The following NOTCH4 variants were observed in gnomAD, a reference collection of about 807,000 sequenced individuals.
NOTCH4 encodes the protein notch receptor 4.
Under a neutral mutation model 189.0 loss-of-function variants are expected in NOTCH4, and 138 were observed. The ratio of observed to expected loss-of-function variants is 0.73; its 90% CI spans 0.64 to 0.84. The LOEUF (loss-of-function observed/expected upper bound fraction) is 0.84. Ranked by LOEUF, NOTCH4 falls within the 40% of genes least tolerant of loss-of-function variation. The probability of loss-of-function intolerance (pLI) is 0.00; values close to 1 mark genes in which losing one functional copy is unlikely to be tolerated. For synonymous variants in NOTCH4, 942 were observed against 1,032.8 expected, an observed-to-expected ratio of 0.91 and a Z score of 1.69; for missense variants, 2,286 against 2,605.4, an observed-to-expected ratio of 0.88 and a Z score of 2.67.
At position 32,220,391 on chromosome 6, in the gene NOTCH4, C is replaced by T. The variant is rs2127486956; in HGVS notation, c.1159+14G>A. The T allele has an allele frequency of 1.2e-6, 2 of 1,613,880 alleles. No individual in the cohort carries two copies. The highest frequency in any genetic ancestry group is 1.7e-6 in the Non-Finnish European group (2 of 1,179,756). ...TCTCTACCTCCCACCTCCTGATACC[C>T]TCTACCCCCATACCTGTGCGTCCAG... is the stretch of plus-strand genomic sequence containing the variant. On this transcript the variant is annotated intron_variant, in intron 6 of 29. Coordinates refer to ENST00000375023, the MANE Select transcript of NOTCH4 (RefSeq NM_004557.4).
intron 11 of NOTCH4, 31 bp from the exon 12 acceptor site, chr6:32,215,416 C>T (rs1204468418): frequency 1.9e-6 from 3 of 1,573,184 alleles, no homozygotes; most frequent in Admixed American, 1.9e-5. Context: ...AAAAAGAAAA[C>T]AGCTCCTCCA....
chr6:32,211,755 G>A (rs534424280), intron 17 of NOTCH4, among the ~76,000 whole-genome samples: 45 of 152,284 alleles, frequency 3.0e-4, no homozygotes, highest in Non-Finnish European at 5.0e-4. Flanking sequence ...GGCCCAAGGA[G>A]TTAATAACTC....
intron 18 of NOTCH4, 43 bp from the exon 19 acceptor site, chr6:32,204,432 C>T: frequency 6.3e-7 from 1 of 1,596,150 alleles, no homozygotes; most frequent in Non-Finnish European, 8.5e-7. Flanking sequence ...TGGATGAGCC[C>T]AACCCAGCAC....
chr6:32,213,339 C>A (rs1478704010), intron 14 of NOTCH4, 87 bp from the exon 15 acceptor site: 25 of 797,862 alleles, frequency 3.1e-5, no homozygotes, highest in Non-Finnish European at 2.1e-6. Context: ...GACATACACC[C>A]CCCACCCCCA....
At chr6:32,216,414 C>T (rs1431639262) in intron 11 of NOTCH4, 1 of 169,744 alleles carries the variant, frequency 5.9e-6, no homozygotes, top group African/African-American at 2.4e-5. Context: ...AGGCGTGAGC[C>T]ACCACGCCCA....
chr6:32,205,547 C>CAAAAAA (rs9281672), intron 18 of NOTCH4, among the ~76,000 whole-genome samples: 27 of 52,076 alleles, frequency 5.2e-4, no homozygotes, highest in Admixed American at 6.6e-4. Flanking sequence ...GATGCTGTCT[C>CAAAAAA]AAAAAAAAAA....
At chr6:32,220,068 T>C (rs1293782935) in intron 7 of NOTCH4, 61 bp downstream of exon 7, 1 of 1,539,762 alleles carries the variant, frequency 6.5e-7, no homozygotes, top group Admixed American at 2.2e-5. Flanking sequence ...TGCCCTTTTC[T>C]GTCTTCAGTG....
chr6:32,213,240 T>C lies in NOTCH4; in HGVS notation c.2333A>G (p.Asn778Ser), dbSNP rs377703621. The C allele has an allele frequency of 3.7e-5, 60 of 1,613,400 alleles. No individual in the cohort carries two copies. Among genetic ancestry groups the C allele is most frequent in the African/African-American group, 2.0e-4 (15 of 74,998 alleles). The change falls in exon 15 of 30, where the codon AAT becomes AGT. Residue 778 changes from asparagine (N) to serine (S), a missense_variant. This residue lies in a region of NOTCH4 where 1,903 missense variants were observed against 2,261.9 expected (regional missense o/e 0.84). Coordinates refer to ENST00000375023, the MANE Select transcript of NOTCH4 (RefSeq NM_004557.4). ...TDYCVSAPCF[N>S]GGTCVNRPGT... The stretch of plus-strand genomic sequence containing the variant: ...AGGCCTGTTCACACAGGTACCCCCA[T>C]TGAAGCACGGGGCTGGAGAGAGGAG...
intron 12 of NOTCH4, 61 bp downstream of exon 12, chr6:32,215,162 TCTC>T (rs1202445177): frequency 1.4e-5 from 20 of 1,404,576 alleles, no homozygotes; most frequent in East Asian, 2.4e-5. Flanking sequence ...CTGGCTGTCT[TCTC>T]CTGTCCTAGC....
At position 32,199,501 on chromosome 6, in the gene NOTCH4, G is replaced by A. The variant is rs1156700183; in HGVS notation, c.4316-356C>T. ...GGGTGGATCATGAGGTCAGGAGATC[G>A]AGACCATCCTGGCTAACATGGTGAA... On this transcript the variant is annotated intron_variant, in intron 23 of 29. Transcript: ENST00000375023. This position sits in a 1 kb window ranked among gnomAD's most constrained non-coding sequence, Gnocchi z 4.9. 6.6e-6 allele frequency among the ~76,000 whole-genome samples: 1 copy of A among 152,046 alleles called. No homozygotes were observed. The highest frequency in any genetic ancestry group is 2.1e-4 in the South Asian group (1 of 4,828).
In NOTCH4 at chr6:32,202,102, G is replaced by T; in HGVS notation, c.3729C>A (p.Tyr1243Ter). ...TGCAGGCTGGAGGGGTCTCACAGTCGTAGCCATCAAACAGACACTCTTCAG... is the reference window on the plus strand; with the variant it reads ...TGCAGGCTGGAGGGGTCTCACAGTCTTAGCCATCAAACAGACACTCTTCAG... Reference protein sequence around the residue: ...CDSEECLFDGYDCETPPACTP... With the variant: ...CDSEECLFDG The change falls in exon 21 of 30, where the codon TAC (tyrosine) becomes TAA (stop). Residue 1243 changes from tyrosine (Y) to a stop codon, truncating the protein, a stop_gained. Coordinates refer to ENST00000375023, the MANE Select transcript of NOTCH4 (RefSeq NM_004557.4). LOFTEE classifies it high-confidence loss of function. This position sits in a 1 kb window ranked among gnomAD's most constrained non-coding sequence, Gnocchi z 5.7. 2.0e-6 allele frequency: 3 copies of T among 1,486,762 alleles called. No individual in the cohort carries two copies. Among genetic ancestry groups the T allele is most frequent in the Non-Finnish European group, 2.7e-6 (3 of 1,114,306 alleles). 92.1% of individuals were successfully genotyped at this position (1,486,762 alleles called of 1,614,324 possible).
intron 11 of NOTCH4, chr6:32,216,613 G>T (rs1332693693): frequency 1.3e-5 from 6 of 453,588 alleles, no homozygotes; most frequent in Non-Finnish European, 2.4e-5. Context: ...GATGGCAACT[G>T]TCTTACTCAG....
At chr6:32,219,498 G>C in intron 8 of NOTCH4, 94 bp downstream of exon 8, 1 of 1,151,768 alleles carries the variant, frequency 8.7e-7, no homozygotes, top group Non-Finnish European at 1.2e-6. Context: ...TACGCCAATT[G>C]GCCTGAAGCT....
chr6:32,201,767 C>T lies in NOTCH4; in HGVS notation c.3756-267G>A, dbSNP rs1463658801. On this transcript the variant is annotated intron_variant, in intron 21 of 29. Coordinates refer to ENST00000375023, the MANE Select transcript of NOTCH4 (RefSeq NM_004557.4). The surrounding 1 kb of genome is among the most constrained non-coding windows in gnomAD (Gnocchi z 5.5). ...AGGAGAGTCCCAGGCCCTTTTCCCT[C>T]TGTGAGGTGCTGACTGCTAGGGGAA... is the stretch of plus-strand genomic sequence containing the variant. 5 of 413,596 alleles carry T rather than the reference C, an allele frequency of 1.2e-5. No individual in the cohort carries two copies. Among genetic ancestry groups the T allele is most frequent in the African/African-American group, 6.1e-5 (3 of 48,890 alleles). 25.6% of individuals were successfully genotyped at this position (413,596 alleles called of 1,614,324 possible).
In NOTCH4 at chr6:32,202,761, C is replaced by T. The variant is rs2127468007; in HGVS notation, c.3232-162G>A. 1.6e-6 allele frequency: 1 copy of T among 615,644 alleles called. No individual in the cohort carries two copies. The highest frequency in any genetic ancestry group is 2.7e-6 in the Non-Finnish European group (1 of 363,878). The allele number at this position is 615,644 out of a possible 1,614,324, so 38.1% of individuals were successfully genotyped here. The stretch of plus-strand genomic sequence containing the variant: ...TTAATCATTTTGTGGATGTTGAAAC[C>T]ATGTCCTGTGGTAATTTCACACAAT... On this transcript the variant is annotated intron_variant, in intron 20 of 29. Transcript: ENST00000375023. This position sits in a 1 kb window ranked among gnomAD's most constrained non-coding sequence, Gnocchi z 5.7.
Position 32,212,019 on chromosome 6 carries a change from A to G in NOTCH4, c.2680+455T>C, listed in dbSNP as rs1409496244. On this transcript the variant is annotated intron_variant, in intron 17 of 29. Transcript: ENST00000375023. This position sits in a 1 kb window ranked among gnomAD's most constrained non-coding sequence, Gnocchi z 4.4. ...CCATCAGCTATCCCTTAACTCCATC[A>G]TAATCTCTTTCCCGAGCTCTTCTCA... is the stretch of plus-strand genomic sequence containing the variant. 6.6e-6 allele frequency among the ~76,000 whole-genome samples: 1 copy of G among 152,160 alleles called. No individual in the cohort carries two copies. Among genetic ancestry groups the G allele is most frequent in the Non-Finnish European group, 1.5e-5 (1 of 68,038 alleles).
At position 32,197,097 on chromosome 6, in the gene NOTCH4, C is replaced by A. The variant is rs2071279; in HGVS notation, c.5053-25G>T. On this transcript the variant is annotated intron_variant, in intron 27 of 29. Coordinates refer to ENST00000375023, the MANE Select transcript of NOTCH4 (RefSeq NM_004557.4). ...GCTGGGGAGACAGAGGGCCAGTGAC[C>A]CCTGGGGTACCTTGGACTGCCAACT... The A allele has an allele frequency of 0.26, 418,674 of 1,606,478 alleles. 59,086 individuals are homozygous for A. The highest frequency in any genetic ancestry group is 0.43 in the Middle Eastern group (2,598 of 6,036).
Position 32,222,519 on chromosome 6 carries a change from C to T in NOTCH4, c.443G>A (p.Gly148Glu). The T allele has an allele frequency of 3.9e-6, 6 of 1,531,406 alleles. No individual in the cohort carries two copies. The highest frequency in any genetic ancestry group is 1.3e-5 in the South Asian group (1 of 76,402). 94.9% of individuals were successfully genotyped at this position (1,531,406 alleles called of 1,614,324 possible). The change falls in exon 3 of 30, where the codon GGA (glycine) becomes GAA (glutamate). Residue 148 changes from glycine to glutamate, a missense_variant. Gly to Glu is a moderately conservative substitution (Grantham distance 98, BLOSUM62 -2). This residue lies in a region of NOTCH4 where 1,903 missense variants were observed against 2,261.9 expected (regional missense o/e 0.84). Transcript: ENST00000375023. ...SGRPQCSCMP[G>E]WTGEQCQLRD... is the part of the protein sequence containing the mutation. ...CCCCCAGCAGCGCTTACCTGTCCAT[C>T]CAGGCATGCAGGAGCACTGTGGGCG...
intron 27 of NOTCH4, 55 bp from the exon 28 acceptor site, chr6:32,197,127 T>A: frequency 6.3e-7 from 1 of 1,587,116 alleles, no homozygotes. Context: ...CCAACTCGAG[T>A]TCCTTACACT....
Sources: allele counts gnomAD v4.1 joint callset (sites outside exome capture counted in the v4.1 genomes callset), GRCh38; gene constraint gnomAD v4.1.1; regional missense constraint gnomAD v4.1.1; non-coding constraint Gnocchi (gnomAD v3.1); transcripts MANE v1.5; gene names NCBI Gene and HGNC (gene_info 2026-07-23, HGNC 2026-07-21).